COL23A1: variants seen among roughly 807,000 people sequenced by gnomAD.
COL23A1 encodes the protein collagen type XXIII alpha 1 chain.
A neutral mutation model predicts 99.3 loss-of-function variants in COL23A1; 97 were observed. The observed-to-expected ratio is 0.98, with a 90% confidence interval of 0.83 to 1.16. COL23A1 has a LOEUF of 1.16. COL23A1 is among the 50% of genes most tolerant of loss of function. COL23A1 has a pLI of 0.00. For missense variants in COL23A1, 762 were observed against 757.4 expected, an observed-to-expected ratio of 1.01 and a Z score of -0.07; for synonymous variants, 320 against 308.2, an observed-to-expected ratio of 1.04 and a Z score of -0.40.
chr5:178,513,941 G>A (rs72810603), intron 2 of COL23A1, among the ~76,000 whole-genome samples: 5,351 of 151,930 alleles, frequency 0.035, 127 homozygotes, highest in Non-Finnish European at 0.055. Flanking sequence ...ATAATTGTCC[G>A]GGTCAATGGC....
At chr5:178,345,453 CTCTT>C (rs1760909337) in intron 2 of COL23A1, 1 of 190,648 alleles carries the variant, frequency 5.2e-6, no homozygotes, top group African/African-American at 2.5e-5. Context: ...AATGTATCAT[CTCTT>C]TTTTTTTTCT....
At chr5:178,436,188 G>C (rs956114618) in intron 2 of COL23A1, among the ~76,000 whole-genome samples, 15 of 152,166 alleles carry the variant, frequency 9.9e-5, no homozygotes, top group Non-Finnish European at 1.8e-4. Flanking sequence ...GAAAAGTTGG[G>C]GGTGAGGTAG....
At chr5:178,304,151 T>C (rs1161063245) in intron 3 of COL23A1, among the ~76,000 whole-genome samples, 1 of 152,044 alleles carries the variant, frequency 6.6e-6, no homozygotes, top group Non-Finnish European at 1.5e-5. Context: ...AGGATCACCC[T>C]ATCTGCAGGC....
chr5:178,476,696 G>A (rs1331731343), intron 2 of COL23A1, among the ~76,000 whole-genome samples: 6 of 152,212 alleles, frequency 3.9e-5, no homozygotes, highest in African/African-American at 7.2e-5. Context: ...CTGGATGTGC[G>A]TGGTGTGTGC....
intron 2 of COL23A1, among the ~76,000 whole-genome samples, chr5:178,547,616 A>C (rs1376270185): frequency 2.4e-3 from 9 of 3,786 alleles, no homozygotes; most frequent in Non-Finnish European, 3.6e-3. Context: ...CACACCCCCC[A>C]CACACACCCA....
At chr5:178,583,356 G>A (rs996208055) in intron 1 of COL23A1, among the ~76,000 whole-genome samples, 4 of 152,170 alleles carry the variant, frequency 2.6e-5, no homozygotes, top group Non-Finnish European at 5.9e-5. Flanking sequence ...TTCCTTGGAT[G>A]GTCACCTACT....
At chr5:178,247,583 G>A in intron 21 of COL23A1, 31 bp from the exon 22 acceptor site, 1 of 1,613,746 alleles carries the variant, frequency 6.2e-7, no homozygotes, top group Non-Finnish European at 8.5e-7. Flanking sequence ...TAAGAAGGCT[G>A]GCTCCGGACC....
chr5:178,397,299 G>A lies in COL23A1; in HGVS notation c.362-90380C>T, dbSNP rs146564338. On this transcript the variant is annotated intron_variant, in intron 2 of 28. Coordinates refer to ENST00000390654, the MANE Select transcript of COL23A1 (RefSeq NM_173465.4). ...CAAAAGAAAACGGCAGGGATGCTGC[G>A]TTAGCAAGACGCAAGGAGGGGGCGC... Among the ~76,000 whole-genome samples the A allele has an allele frequency of 5.6e-4, 86 of 152,356 alleles. 1 individual carries two copies. Among genetic ancestry groups the A allele is most frequent in the East Asian group, 4.2e-3 (22 of 5,186 alleles).
In COL23A1 at chr5:178,367,813, C is replaced by T. The variant is rs1042582405; in HGVS notation, c.362-60894G>A. On this transcript the variant is annotated intron_variant, in intron 2 of 28. Coordinates refer to ENST00000390654, the MANE Select transcript of COL23A1 (RefSeq NM_173465.4). ...ACCAGCAGGTGGGTGCGCAGGTACA[C>T]GTGAGTCCAGGCTTCCCAGAGGTAC... Among the ~76,000 whole-genome samples, 6 of 152,246 alleles carry T rather than the reference C, an allele frequency of 3.9e-5. No homozygotes were observed. In the South Asian group the frequency reaches 8.3e-4, roughly 21 times the overall value.
chr5:178,347,609 C>T (rs149935879), intron 2 of COL23A1, among the ~76,000 whole-genome samples: 11,297 of 151,248 alleles, frequency 0.075, 590 homozygotes, highest in East Asian at 0.17. Context: ...TAGGGCCGGG[C>T]GTGGTGGCTC....
chr5:178,530,175 G>A (rs1299937053), intron 2 of COL23A1, among the ~76,000 whole-genome samples: 1 of 152,186 alleles, frequency 6.6e-6, no homozygotes, highest in African/African-American at 2.4e-5. Context: ...AAAAGGCAGA[G>A]TGTGGGCCAG....
At chr5:178,403,414 C>T (rs1764580122) in intron 2 of COL23A1, among the ~76,000 whole-genome samples, 1 of 152,196 alleles carries the variant, frequency 6.6e-6, no homozygotes, top group African/African-American at 2.4e-5. Flanking sequence ...CCTTCCTTCC[C>T]TTGGAGAGTT....
chr5:178,280,504 C>T lies in COL23A1; in HGVS notation c.441+7820G>A, dbSNP rs1756839212. ...CCACTGCATGGGCTGGACATCGTGC[C>T]AGCCCTGGGTCCTGGTCGGGGGCAG... is the stretch of plus-strand genomic sequence containing the variant. On this transcript the variant is annotated intron_variant, in intron 5 of 28. Transcript: ENST00000390654. The surrounding 1 kb of genome is among the most constrained non-coding windows in gnomAD (Gnocchi z 4.9). Among the ~76,000 whole-genome samples, 1 of 152,166 alleles carries T rather than the reference C, an allele frequency of 6.6e-6. No individual in the cohort carries two copies. Among genetic ancestry groups the T allele is most frequent in the South Asian group, 2.1e-4 (1 of 4,834 alleles).
chr5:178,586,309 C>G (rs1465952697), intron 1 of COL23A1, among the ~76,000 whole-genome samples: 1 of 152,230 alleles, frequency 6.6e-6, no homozygotes, highest in Non-Finnish European at 1.5e-5. Flanking sequence ...TGTGACCACA[C>G]TATCAGAGGA....
In COL23A1 at chr5:178,340,357, G is replaced by C. The variant is rs1760583779; in HGVS notation, c.362-33438C>G. 6.6e-6 allele frequency among the ~76,000 whole-genome samples: 1 copy of C among 152,210 alleles called. No individual in the cohort carries two copies. Among genetic ancestry groups the C allele is most frequent in the African/African-American group, 2.4e-5 (1 of 41,456 alleles). ...CTTTGCTGGTGGCTCCAGCGCAGGA[G>C]GGGTAGAAGGGGAAATAAAAGCTGG... is the stretch of plus-strand genomic sequence containing the variant. On this transcript the variant is annotated intron_variant, in intron 2 of 28. Transcript: ENST00000390654. The surrounding 1 kb of genome is among the most constrained non-coding windows in gnomAD (Gnocchi z 4.7).
intron 2 of COL23A1, among the ~76,000 whole-genome samples, chr5:178,330,460 A>C (rs1462308942): frequency 6.6e-6 from 1 of 152,172 alleles, no homozygotes; most frequent in Non-Finnish European, 1.5e-5. Flanking sequence ...GCTCAAGACC[A>C]ACTTGGGCAA....
intron 5 of COL23A1, among the ~76,000 whole-genome samples, chr5:178,278,765 A>C (rs1053531260): frequency 2.0e-5 from 3 of 152,152 alleles, no homozygotes; most frequent in African/African-American, 7.2e-5. Flanking sequence ...CCTGGGAGTG[A>C]GCTGCTGAAT....
chr5:178,496,856 T>A (rs539991890), intron 2 of COL23A1, among the ~76,000 whole-genome samples: 3 of 152,230 alleles, frequency 2.0e-5, no homozygotes, highest in Non-Finnish European at 4.4e-5. Flanking sequence ...GGCACTCAAT[T>A]CTGAAAGAAA....
intron 2 of COL23A1, among the ~76,000 whole-genome samples, chr5:178,502,269 C>G (rs535224546): frequency 3.9e-5 from 6 of 152,160 alleles, no homozygotes; most frequent in Non-Finnish European, 8.8e-5. Flanking sequence ...GCAGCTGGGA[C>G]TACAGGCGCC....
Sources: gnomAD v4.1 joint callset for allele counts (sites outside exome capture counted in the v4.1 genomes callset) on GRCh38, gnomAD v4.1.1 for gene constraint, Gnocchi (gnomAD v3.1) non-coding constraint, MANE v1.5 for transcripts, NCBI Gene and HGNC (gene_info 2026-07-23, HGNC 2026-07-21) for gene names.